CEP112: variants seen among roughly 807,000 people sequenced by gnomAD.
The protein encoded by CEP112 is centrosomal protein 112.
A neutral mutation model predicts 153.0 loss-of-function variants in CEP112; 127 were observed. That is an observed-to-expected ratio of 0.83 (90% CI 0.72 to 0.96). The LOEUF (loss-of-function observed/expected upper bound fraction) is 0.96. Among genes scored for constraint, CEP112 ranks in the 40% least tolerant of loss-of-function variants. The pLI, the probability that CEP112 is intolerant of heterozygous loss-of-function variation, is 0.00. For missense variants in CEP112, 1,089 were observed against 1,101.2 expected, an observed-to-expected ratio of 0.99 and a Z score of 0.16; for synonymous variants, 358 against 374.4, an observed-to-expected ratio of 0.96 and a Z score of 0.51.
At chr17:66,041,235 T>C (rs1015425622) in intron 12 of CEP112, among the ~76,000 whole-genome samples, 9 of 130,700 alleles carry the variant, frequency 6.9e-5, no homozygotes, top group African/African-American at 2.7e-4. Context: ...ACAAAAAATA[T>C]AGCCATCACC....
chr17:65,819,036 C>T (rs2056406519), intron 21 of CEP112, among the ~76,000 whole-genome samples: 1 of 151,798 alleles, frequency 6.6e-6, no homozygotes, highest in South Asian at 2.1e-4. Flanking sequence ...AATTTTTTCT[C>T]TAAAGATTTC....
intron 19 of CEP112, among the ~76,000 whole-genome samples, chr17:65,912,377 T>C (rs1568215712): frequency 2.0e-5 from 3 of 152,256 alleles, no homozygotes; most frequent in East Asian, 1.9e-4. Context: ...CTCAGTTCCA[T>C]AGCAGCATCT....
intron 23 of CEP112, among the ~76,000 whole-genome samples, chr17:65,714,985 A>G (rs1240984551): frequency 6.6e-6 from 1 of 152,140 alleles, no homozygotes; most frequent in Non-Finnish European, 1.5e-5. Flanking sequence ...TAATACTACA[A>G]GCAGCAGGTG....
At position 65,909,942 on chromosome 17, in the gene CEP112, C is replaced by T. The variant is rs148308699; in HGVS notation, c.1981-7608G>A. 2.9e-3 allele frequency among the ~76,000 whole-genome samples: 448 copies of T among 152,156 alleles called. 4 individuals carry two copies. The highest frequency in any genetic ancestry group is 0.01 in the African/African-American group (430 of 41,512). On this transcript the variant is annotated intron_variant, in intron 19 of 26. Transcript: ENST00000535342. ...TATCATTCACTTTTCCCCCTTCTGC[C>T]TGGGTGGAAGAATAGGAGGACAATT...
At chr17:66,009,190 TGTGTGTG>T (rs2064405318) in intron 16 of CEP112, among the ~76,000 whole-genome samples, 1 of 594 alleles carries the variant, frequency 1.7e-3, no homozygotes, top group Non-Finnish European at 4.2e-3. Flanking sequence ...GTTATCCCTT[TGTGTGTG>T]TGTGTGTGTG....
intron 12 of CEP112, among the ~76,000 whole-genome samples, chr17:66,048,502 C>T (rs1469343871): frequency 6.6e-6 from 1 of 152,168 alleles, no homozygotes; most frequent in Non-Finnish European, 1.5e-5. Flanking sequence ...AGGATTAAGG[C>T]CTCAATGTTA....
chr17:65,650,079 C>T (rs1008677972), intron 24 of CEP112, among the ~76,000 whole-genome samples: 3 of 152,228 alleles, frequency 2.0e-5, no homozygotes, highest in East Asian at 3.8e-4. Flanking sequence ...GAATACCAGA[C>T]ATGTTTGCTT....
intron 19 of CEP112, among the ~76,000 whole-genome samples, chr17:65,923,555 T>C (rs2060810425): frequency 6.6e-6 from 1 of 152,074 alleles, no homozygotes; most frequent in African/African-American, 2.4e-5. Context: ...TAAGAAAAAA[T>C]ATATATAATA....
chr17:65,831,428 G>C (rs868835413), intron 21 of CEP112, among the ~76,000 whole-genome samples: 13 of 151,940 alleles, frequency 8.6e-5, no homozygotes, highest in African/African-American at 3.1e-4. Flanking sequence ...GTGGTGGTGG[G>C]CACCTGTAGT....
intron 23 of CEP112, among the ~76,000 whole-genome samples, chr17:65,699,431 C>T (rs745910602): frequency 1.2e-4 from 19 of 152,158 alleles, no homozygotes; most frequent in Admixed American, 4.6e-4. Flanking sequence ...CCAGTCTGCT[C>T]CCTCGAGTGT....
At chr17:66,059,917 T>C (rs935224733) in intron 11 of CEP112, among the ~76,000 whole-genome samples, 5 of 151,932 alleles carry the variant, frequency 3.3e-5, no homozygotes, top group Admixed American at 6.6e-5. Flanking sequence ...CGATGGTGGA[T>C]TGGATAAAGA....
chr17:65,914,796 C>G (rs1055824718), intron 19 of CEP112, among the ~76,000 whole-genome samples: 4 of 152,178 alleles, frequency 2.6e-5, no homozygotes, highest in African/African-American at 7.2e-5. Context: ...ACACACGTCC[C>G]TCTAGATACC....
intron 8 of CEP112, among the ~76,000 whole-genome samples, chr17:66,084,038 G>A (rs1032914933): frequency 7.9e-5 from 12 of 152,140 alleles, no homozygotes; most frequent in African/African-American, 2.7e-4. Context: ...AAAACCAGAA[G>A]CCTAGAGAAA....
chr17:65,740,826 T>A (rs1293001172), intron 23 of CEP112, among the ~76,000 whole-genome samples: 1 of 152,222 alleles, frequency 6.6e-6, no homozygotes, highest in Non-Finnish European at 1.5e-5. Flanking sequence ...TAAATCTATG[T>A]GTACAAAACA....
chr17:65,785,341 G>A (rs766735776), intron 21 of CEP112, among the ~76,000 whole-genome samples: 5 of 152,174 alleles, frequency 3.3e-5, no homozygotes, highest in Non-Finnish European at 7.4e-5. Flanking sequence ...CTTAGGAGTT[G>A]AATTGCTGAG....
intron 11 of CEP112, among the ~76,000 whole-genome samples, chr17:66,061,999 T>C (rs1246106614): frequency 6.6e-6 from 1 of 152,186 alleles, no homozygotes; most frequent in Admixed American, 6.5e-5. Context: ...TCTCATGAGA[T>C]CCGATGGTTT....
At chr17:65,696,334 T>C (rs2048354444) in intron 23 of CEP112, among the ~76,000 whole-genome samples, 1 of 152,008 alleles carries the variant, frequency 6.6e-6, no homozygotes. Context: ...TGGGGCAGAG[T>C]GTAAATGGAT....
chr17:66,084,383 A>C (rs961257902), intron 8 of CEP112, among the ~76,000 whole-genome samples: 1 of 152,234 alleles, frequency 6.6e-6, no homozygotes, highest in African/African-American at 2.4e-5. Context: ...AGCACTAATA[A>C]CAATAGTGAA....
intron 20 of CEP112, among the ~76,000 whole-genome samples, chr17:65,897,485 G>A (rs1217815031): frequency 6.6e-6 from 1 of 151,860 alleles, no homozygotes; most frequent in African/African-American, 2.4e-5. Context: ...AATAACACTT[G>A]GAAATTAATA....
Sources: allele counts gnomAD v4.1 joint callset (sites outside exome capture counted in the v4.1 genomes callset), GRCh38; gene constraint gnomAD v4.1.1; transcripts MANE v1.5; gene names NCBI Gene and HGNC (gene_info 2026-07-23, HGNC 2026-07-21).